CYB5R1: variants seen among roughly 807,000 people sequenced by gnomAD.
CYB5R1 encodes the protein NADH-cytochrome b5 reductase 1.
CYB5R1 carries 32 observed loss-of-function variants against 37.4 expected under a neutral mutation model. The ratio of observed to expected loss-of-function variants is 0.86; its 90% CI spans 0.65 to 1.15. The LOEUF (loss-of-function observed/expected upper bound fraction) is 1.15. Ranked by LOEUF, CYB5R1 falls within the 50% of genes most tolerant of loss-of-function variation. CYB5R1 has a pLI of 0.00. For missense variants in CYB5R1, 345 were observed against 382.5 expected (o/e 0.90, Z 0.82); for synonymous variants, 159 against 155.2 (o/e 1.02, Z -0.18).
chr1:202,966,135 A>G (rs2102504587), intron 3 of CYB5R1, 142 bp from the exon 4 acceptor site: 1 of 647,478 alleles, frequency 1.5e-6, no homozygotes, highest in Non-Finnish European at 2.7e-6. Context: ...GATTTGCCCC[A>G]TTGAGCCCTC....
chr1:202,963,667 T>C lies in CYB5R1; in HGVS notation c.620A>G (p.Gln207Arg), dbSNP rs552651151. The change falls in exon 7 of 9, where the codon CAG (glutamine) becomes CGG (arginine). Residue 207 changes from glutamine (Q) to arginine (R), a missense_variant. Transcript: ENST00000367249. The part of the protein sequence containing the change: ...AILKVPEDPT[Q>R]CFLLFANQTE... ...CTGGTTGGCAAAAAGCAGAAAGCAC[T>C]GGGTTGGATCTTCAGGGACTTTCAG... 925 of 1,609,962 alleles carry C rather than the reference T, an allele frequency of 5.7e-4. 15 individuals are homozygous for C. In the South Asian group the frequency reaches 9.8e-3, roughly 17 times the overall value.
chr1:202,963,821 T>C (rs1571576952), intron 6 of CYB5R1, 94 bp from the exon 7 acceptor site: 1 of 705,478 alleles, frequency 1.4e-6, no homozygotes, highest in South Asian at 2.4e-5. Flanking sequence ...TTCATTCTGC[T>C]CATTCACCAC....
In CYB5R1 at chr1:202,965,501, C is replaced by A. The variant is rs772787951; in HGVS notation, c.346-1G>T. 56 of 1,575,410 alleles carry A rather than the reference C, an allele frequency of 3.6e-5. 1 individual carries two copies. The Middle Eastern group carries it at 6.3e-3, about 176-fold the overall frequency. On this transcript the variant is annotated splice_acceptor_variant, in intron 4 of 8. Coordinates refer to ENST00000367249, the MANE Select transcript of CYB5R1 (RefSeq NM_016243.3). LOFTEE classifies it high-confidence loss of function. Reference sequence around the variant, plus strand: ...TGGGGTGCACACCCTTCAGGTAGACCTTACAAGACAGAGAGAAAAATACCT... The same window carrying A: ...TGGGGTGCACACCCTTCAGGTAGACATTACAAGACAGAGAGAAAAATACCT...
chr1:202,966,580 C>A lies in CYB5R1; in HGVS notation c.186G>T (p.Lys62Asn). 6.2e-7 allele frequency: 1 copy of A among 1,614,242 alleles called. No individual in the cohort carries two copies. The highest frequency in any genetic ancestry group is 8.5e-7 in the Non-Finnish European group (1 of 1,180,030). ...CGGTGGGCAGGGCAAAGCGGAACCTCTTGGTGTTGTGGCTCACAGTCTGGA... is the reference window on the plus strand; with the variant it reads ...CGGTGGGCAGGGCAAAGCGGAACCTATTGGTGTTGTGGCTCACAGTCTGGA... ...LDKTTVSHNT[K>N]RFRFALPTAH... The change falls in exon 3 of 9, where the codon AAG (lysine) becomes AAT (asparagine). Residue 62 changes from lysine (K) to asparagine (N), a missense_variant. Physicochemically the swap from Lys to Asn is moderately conservative, Grantham distance 94 (BLOSUM62 0). Transcript: ENST00000367249.
intron 1 of CYB5R1, 47 bp from the exon 2 acceptor site, chr1:202,966,945 GGGGCTT>G: frequency 5.2e-6 from 8 of 1,548,888 alleles, no homozygotes; most frequent in Non-Finnish European, 7.0e-6. Context: ...GTAAGAGCCC[GGGGCTT>G]GGGTGGTGAC....
chr1:202,962,752 G>C (rs774504672), intron 8 of CYB5R1, 53 bp from the exon 9 acceptor site: 139 of 1,595,890 alleles, frequency 8.7e-5, no homozygotes, highest in Non-Finnish European at 1.1e-4. Context: ...TGCTGGCAAG[G>C]GGGTGTGGTG....
intron 1 of CYB5R1, 126 bp downstream of exon 1, chr1:202,967,065 G>T: frequency 7.0e-7 from 1 of 1,435,640 alleles, no homozygotes; most frequent in East Asian, 2.5e-5. Flanking sequence ...CGGGACCCCA[G>T]CATCCACGGT....
At chr1:202,966,647 G>A (rs375755969) in intron 2 of CYB5R1, 47 bp from the exon 3 acceptor site, 1 of 1,613,566 alleles carries the variant, frequency 6.2e-7, no homozygotes, top group African/African-American at 1.3e-5. Context: ...GCCTGGCGCT[G>A]CCACGTCCCT....
intron 1 of CYB5R1, 110 bp from the exon 2 acceptor site, chr1:202,967,008 G>A (rs1655111567): frequency 6.8e-7 from 1 of 1,460,854 alleles, no homozygotes; most frequent in Non-Finnish European, 9.2e-7. Context: ...GGCATGCCAA[G>A]GGCAGAGGGG....
At chr1:202,965,278 CA>C (rs1655062252) in intron 5 of CYB5R1, 92 bp downstream of exon 5, 1 of 1,387,808 alleles carries the variant, frequency 7.2e-7, no homozygotes, top group Non-Finnish European at 9.6e-7. Flanking sequence ...CCCTTACGTG[CA>C]TACACATGTG....
At chr1:202,966,936 T>C in intron 1 of CYB5R1, 38 bp from the exon 2 acceptor site, 1 of 1,562,748 alleles carries the variant, frequency 6.4e-7, no homozygotes, top group African/African-American at 1.4e-5. Flanking sequence ...CCAGGCTGGG[T>C]AAGAGCCCGG....
At chr1:202,962,804 G>T in intron 8 of CYB5R1, 105 bp from the exon 9 acceptor site, 1 of 1,405,142 alleles carries the variant, frequency 7.1e-7, no homozygotes, top group Non-Finnish European at 9.9e-7. Flanking sequence ...TGGAGAAAGT[G>T]TCAAGTGGTA....
rs1655113621 is a variant in CYB5R1 at position 202,967,128 on chromosome 1, CT to C, written c.15+62del. On this transcript the variant is annotated intron_variant, in intron 1 of 8. Transcript: ENST00000367249. Reference sequence around the variant, plus strand: ...GGCAGCGACAGCCCCTGGTCCGGAGCTGAGTGGCCAGAACCAGATGGGGAGG... The same window carrying C: ...GGCAGCGACAGCCCCTGGTCCGGAGCGAGTGGCCAGAACCAGATGGGGAGG... 6.3e-6 allele frequency: 10 copies of C among 1,576,744 alleles called. No individual in the cohort carries two copies. In the South Asian group the frequency reaches 1.0e-4, roughly 16 times the overall value.
chr1:202,966,691 C>T (rs2232843), intron 2 of CYB5R1, 58 bp downstream of exon 2: 2 of 1,612,320 alleles, frequency 1.2e-6, no homozygotes, highest in Non-Finnish European at 1.7e-6. Context: ...GCTGTACCCT[C>T]CATGCCAGGA....
At chr1:202,966,438 C>T (rs1417030476) in intron 3 of CYB5R1, 90 bp downstream of exon 3, 1 of 1,442,460 alleles carries the variant, frequency 6.9e-7, no homozygotes, top group Non-Finnish European at 9.7e-7. Flanking sequence ...TGGAGCAAAC[C>T]GGTTGAAGCA....
Position 202,962,572 on chromosome 1 carries a change from G to A in CYB5R1, c.873C>T (p.Asn291=). 3 of 1,613,688 alleles carry A rather than the reference G, an allele frequency of 1.9e-6. No homozygotes were observed. The highest frequency in any genetic ancestry group is 2.5e-6 in the Non-Finnish European group (3 of 1,179,840). ...PPMVQLACHP[N]LDKLGYSQKM... ...TTTGTGAGTAGCCCAGTTTGTCCAA[G>A]TTGGGATGGCAGGCCAGCTGCACCA... Residue 291 remains asparagine, a synonymous_variant, in exon 9 of 9, where the codon AAC becomes AAT. Transcript: ENST00000367249.
intron 3 of CYB5R1, 87 bp from the exon 4 acceptor site, chr1:202,966,080 T>A: frequency 1.1e-6 from 1 of 915,130 alleles, no homozygotes; most frequent in Non-Finnish European, 1.7e-6. Context: ...GAGAACAAGA[T>A]GTCTTGCTTC....
intron 3 of CYB5R1, 131 bp downstream of exon 3, chr1:202,966,397 C>A: frequency 9.4e-7 from 1 of 1,061,174 alleles, no homozygotes; most frequent in South Asian, 1.5e-5. Context: ...TTGGAGGATG[C>A]AGAGCCAAGT....
rs760712069 is a variant in CYB5R1, at chr1:202,966,601, C to A, written c.166-1G>T. ...ACCTCTTGGTGTTGTGGCTCACAGT[C>A]TGGAGGGTGGAGGACACAAGTGTTT... is the stretch of plus-strand genomic sequence containing the variant. On this transcript the variant is annotated splice_acceptor_variant, in intron 2 of 8. Coordinates refer to ENST00000367249, the MANE Select transcript of CYB5R1 (RefSeq NM_016243.3). LOFTEE classifies it high-confidence loss of function. 2 of 1,614,178 alleles carry A rather than the reference C, an allele frequency of 1.2e-6. No individual in the cohort carries two copies. The highest frequency in any genetic ancestry group is 2.2e-5 in the East Asian group (1 of 44,884).
Sources: gnomAD v4.1 joint callset for allele counts on GRCh38, gnomAD v4.1.1 for gene constraint, MANE v1.5 for transcripts, NCBI Gene and HGNC (gene_info 2026-07-23, HGNC 2026-07-21) for gene names.